Variants in NDUFS6 observed in about 807,000 individuals in gnomAD.
The protein encoded by NDUFS6 is NADH:ubiquinone oxidoreductase subunit S6.
A neutral mutation model predicts 13.2 loss-of-function variants in NDUFS6; 14 were observed. That is an observed-to-expected ratio of 1.06 (90% CI 0.70 to 1.66). NDUFS6 has a LOEUF of 1.66. Among genes scored for constraint, NDUFS6 ranks in the 40% most tolerant of loss-of-function variants. NDUFS6 has a pLI of 0.00. For synonymous variants in NDUFS6, 95 were observed against 72.3 expected (o/e 1.31, Z -1.60); for missense variants, 206 against 170.8 (o/e 1.21, Z -1.15).
rs1734280517 is a variant in NDUFS6 at position 1,814,709 on chromosome 5, G to A, written c.309+248G>A. 8.4e-6 allele frequency: 6 copies of A among 718,072 alleles called. No homozygotes were observed. In the East Asian group the frequency reaches 1.6e-4, roughly 19 times the overall value. The allele number at this position is 718,072 out of a possible 1,614,324, so 44.5% of individuals were successfully genotyped here. On this transcript the variant is annotated intron_variant, in intron 3 of 3. Coordinates refer to ENST00000274137, the MANE Select transcript of NDUFS6 (RefSeq NM_004553.6). The surrounding 1 kb of genome is among the most constrained non-coding windows in gnomAD (Gnocchi z 4.9). Reference sequence around the variant, plus strand: ...CATGTTTCTCTTCTCGGACGCCCAAGCGTCTTTCCTCTCTGGGCCCTTCTC... The same window carrying A: ...CATGTTTCTCTTCTCGGACGCCCAAACGTCTTTCCTCTCTGGGCCCTTCTC...
At chr5:1,813,007 G>A (rs1019338978) in intron 2 of NDUFS6, among the ~76,000 whole-genome samples, 20 of 152,032 alleles carry the variant, frequency 1.3e-4, no homozygotes, top group Admixed American at 7.9e-4. Context: ...AGCCAAAATC[G>A]CGCCACTGCA....
At chr5:1,811,904 C>T (rs974837999) in intron 2 of NDUFS6, among the ~76,000 whole-genome samples, 17 of 152,138 alleles carry the variant, frequency 1.1e-4, no homozygotes, top group Admixed American at 3.9e-4. Context: ...ATGATATTAT[C>T]CATCTTATTA....
chr5:1,809,078 T>C (rs2111354973), intron 2 of NDUFS6, among the ~76,000 whole-genome samples: 1 of 152,334 alleles, frequency 6.6e-6, no homozygotes, highest in Non-Finnish European at 1.5e-5. Context: ...TTTGACACAA[T>C]AGGACTTTGA....
chr5:1,814,230 G>A lies in NDUFS6; in HGVS notation c.187-109G>A. The A allele has an allele frequency of 7.0e-7, 1 of 1,438,396 alleles. No individual in the cohort carries two copies. Among genetic ancestry groups the A allele is most frequent in the Admixed American group, 1.7e-5 (1 of 59,714 alleles). 89.1% of individuals were successfully genotyped at this position (1,438,396 alleles called of 1,614,324 possible). ...CAATGATAATAGTTAAATGAAGCAT[G>A]CACCATAGATTCGTGCTGATGGTAC... On this transcript the variant is annotated intron_variant, in intron 2 of 3. Coordinates refer to ENST00000274137, the MANE Select transcript of NDUFS6 (RefSeq NM_004553.6). The surrounding 1 kb of genome is among the most constrained non-coding windows in gnomAD (Gnocchi z 4.9).
In NDUFS6 at chr5:1,814,625, A is replaced by G. The variant is rs77687671; in HGVS notation, c.309+164A>G. 1.1e-3 allele frequency: 1,142 copies of G among 1,078,818 alleles called. 13 individuals carry two copies. In the East Asian group the frequency reaches 0.017, roughly 16 times the overall value. 66.8% of individuals were successfully genotyped at this position (1,078,818 alleles called of 1,614,324 possible). On this transcript the variant is annotated intron_variant, in intron 3 of 3. Coordinates refer to ENST00000274137, the MANE Select transcript of NDUFS6 (RefSeq NM_004553.6). The surrounding 1 kb of genome is among the most constrained non-coding windows in gnomAD (Gnocchi z 4.9). ...CATTCACCCTACAGCGCCACACTAC[A>G]GGGCCTACATAGAGCCGCCTGTCCG...
chr5:1,801,785 C>T (rs1734047748), intron 1 of NDUFS6, among the ~76,000 whole-genome samples: 1 of 152,254 alleles, frequency 6.6e-6, no homozygotes, highest in Non-Finnish European at 1.5e-5. Context: ...GGGAAGTCTC[C>T]CCAGCGGGCA....
intron 2 of NDUFS6, among the ~76,000 whole-genome samples, chr5:1,803,427 C>T (rs927592376): frequency 2.6e-5 from 4 of 152,054 alleles, no homozygotes; most frequent in Non-Finnish European, 5.9e-5. Context: ...GTGATGTCTA[C>T]CAGGATCATG....
intron 2 of NDUFS6, among the ~76,000 whole-genome samples, chr5:1,805,232 G>A (rs1228036251): frequency 2.6e-5 from 4 of 152,190 alleles, no homozygotes; most frequent in Non-Finnish European, 5.9e-5. Context: ...GTGGGAGGCT[G>A]AGGTGGGAGG....
intron 2 of NDUFS6, among the ~76,000 whole-genome samples, chr5:1,803,766 A>AG (rs1211284776): frequency 2.0e-5 from 3 of 152,216 alleles, no homozygotes; most frequent in African/African-American, 7.2e-5. Flanking sequence ...AGTGATTCAC[A>AG]CAAAGGAGCT....
At chr5:1,803,785 T>C (rs537019449) in intron 2 of NDUFS6, among the ~76,000 whole-genome samples, 1 of 152,324 alleles carries the variant, frequency 6.6e-6, no homozygotes, top group African/African-American at 2.4e-5. Context: ...CTCATGGCAT[T>C]GCGAATGGGA....
intron 2 of NDUFS6, among the ~76,000 whole-genome samples, chr5:1,812,961 A>G (rs1734242835): frequency 6.6e-6 from 1 of 152,134 alleles, no homozygotes; most frequent in Non-Finnish European, 1.5e-5. Context: ...GCTGAGGCAG[A>G]GAATTGGTTG....
intron 2 of NDUFS6, among the ~76,000 whole-genome samples, chr5:1,811,082 C>G (rs1336038322): frequency 6.6e-6 from 1 of 152,142 alleles, no homozygotes; most frequent in Non-Finnish European, 1.5e-5. Flanking sequence ...TTTTCTCTTC[C>G]TTGTGATTTC....
Position 1,816,005 on chromosome 5 carries a change from G to T in NDUFS6, c.*89G>T. On this transcript the variant is annotated 3_prime_UTR_variant, in exon 4 of 4. Coordinates refer to ENST00000274137, the MANE Select transcript of NDUFS6 (RefSeq NM_004553.6). Reference sequence around the variant, plus strand: ...GTGAAGCTCGCTGGTTCTGTGCGAAGGGTATTCCTGGTGCTGAATAAAGGG... The same window carrying T: ...GTGAAGCTCGCTGGTTCTGTGCGAATGGTATTCCTGGTGCTGAATAAAGGG... The T allele has an allele frequency of 7.3e-7, 1 of 1,368,566 alleles. No homozygotes were observed. Among genetic ancestry groups the T allele is most frequent in the Non-Finnish European group, 1.0e-6 (1 of 955,934 alleles). The allele number at this position is 1,368,566 out of a possible 1,614,324, so 84.8% of individuals were successfully genotyped here.
At chr5:1,805,251 G>C (rs1352935000) in intron 2 of NDUFS6, among the ~76,000 whole-genome samples, 2 of 152,132 alleles carry the variant, frequency 1.3e-5, no homozygotes, top group African/African-American at 4.8e-5. Flanking sequence ...GGGTCATTGA[G>C]TCTGGGAGGT....
At chr5:1,808,961 AC>A (rs1734169415) in intron 2 of NDUFS6, among the ~76,000 whole-genome samples, 1 of 152,188 alleles carries the variant, frequency 6.6e-6, no homozygotes, top group Non-Finnish European at 1.5e-5. Context: ...TCGGTATTCT[AC>A]AGTGTCGATG....
At chr5:1,812,984 G>A (rs562153936) in intron 2 of NDUFS6, among the ~76,000 whole-genome samples, 7 of 152,234 alleles carry the variant, frequency 4.6e-5, no homozygotes, top group South Asian at 4.1e-4. Context: ...CCTAGGAGGC[G>A]GAGGTGGCAG....
At position 1,815,723 on chromosome 5, in the gene NDUFS6, T is replaced by TA; in HGVS notation, c.310-127dup. 4 of 965,850 alleles carry TA rather than the reference T, an allele frequency of 4.1e-6. No individual in the cohort carries two copies. In the South Asian group the frequency reaches 5.5e-5, roughly 13 times the overall value. The allele number at this position is 965,850 out of a possible 1,614,324, so 59.8% of individuals were successfully genotyped here. A position where few individuals can be genotyped will look rare whatever the true frequency, so the allele number is the denominator to read the frequency against. On this transcript the variant is annotated intron_variant, in intron 3 of 3. Coordinates refer to ENST00000274137, the MANE Select transcript of NDUFS6 (RefSeq NM_004553.6). Reference sequence around the variant, plus strand: ...AACCGAGATCGACAGTCTGCATTCTTACTTCAGTAGTAACTGCGTATTTTT... The same window carrying TA: ...AACCGAGATCGACAGTCTGCATTCTTAACTTCAGTAGTAACTGCGTATTTTT...
Position 1,814,524 on chromosome 5 carries a change from C to T in NDUFS6, c.309+63C>T, listed in dbSNP as rs561651718. 49 of 1,612,200 alleles carry T rather than the reference C, an allele frequency of 3.0e-5. 1 individual carries two copies. In the South Asian group the frequency reaches 4.2e-4, roughly 14 times the overall value. ...CTGCTCGTCCTCATACTCCCCTTCA[C>T]TCCCAGTGCCTGTTCTTTCTGTCCT... On this transcript the variant is annotated intron_variant, in intron 3 of 3. Coordinates refer to ENST00000274137, the MANE Select transcript of NDUFS6 (RefSeq NM_004553.6). The surrounding 1 kb of genome is among the most constrained non-coding windows in gnomAD (Gnocchi z 4.9).
At chr5:1,803,471 CCT>C (rs1734080663) in intron 2 of NDUFS6, among the ~76,000 whole-genome samples, 1 of 152,106 alleles carries the variant, frequency 6.6e-6, no homozygotes, top group Non-Finnish European at 1.5e-5. Context: ...GGTGGGTTTG[CCT>C]CTCGGAGTAG....
Sources: allele counts gnomAD v4.1 joint callset (sites outside exome capture counted in the v4.1 genomes callset), GRCh38; gene constraint gnomAD v4.1.1; non-coding constraint Gnocchi (gnomAD v3.1); transcripts MANE v1.5; gene names NCBI Gene and HGNC (gene_info 2026-07-23, HGNC 2026-07-21).